The following TOX2 variants were observed in gnomAD, a reference collection of about 807,000 sequenced individuals.
TOX2 encodes the protein TOX high mobility group box family member 2.
A neutral mutation model predicts 47.4 loss-of-function variants in TOX2; 15 were observed. The observed-to-expected ratio is 0.32, with a 90% CI of 0.21 to 0.49. TOX2 has a LOEUF of 0.49. Among genes scored for constraint, TOX2 ranks in the 20% least tolerant of loss-of-function variants. TOX2 has a pLI of 0.99. For missense variants in TOX2, 622 were observed against 673.1 expected (o/e 0.92, Z 0.84); for synonymous variants, 290 against 296.6 (o/e 0.98, Z 0.23).
At chr20:44,044,095 C>T (rs542351181) in intron 3 of TOX2, among the ~76,000 whole-genome samples, 2 of 149,492 alleles carry the variant, frequency 1.3e-5, no homozygotes, top group East Asian at 4.0e-4. Context: ...TACTATGCAG[C>T]CATAAAAAAG....
chr20:43,950,486 C>G (rs1212511206), intron 1 of TOX2, among the ~76,000 whole-genome samples: 2 of 152,134 alleles, frequency 1.3e-5, no homozygotes, highest in Admixed American at 1.3e-4. Flanking sequence ...CTCCCCTCCC[C>G]CTCCCCACTG....
At chr20:44,031,442 C>A (rs976403184) in intron 3 of TOX2, among the ~76,000 whole-genome samples, 3 of 152,082 alleles carry the variant, frequency 2.0e-5, no homozygotes, top group African/African-American at 7.2e-5. Flanking sequence ...TATATTGGTG[C>A]GATTAGCTCA....
At chr20:43,985,229 C>T (rs577896005) in intron 2 of TOX2, among the ~76,000 whole-genome samples, 4 of 152,254 alleles carry the variant, frequency 2.6e-5, no homozygotes, top group South Asian at 2.1e-4. Flanking sequence ...AGGGACCTTC[C>T]GGGTTGACTT....
At chr20:43,966,206 C>T (rs1036620443) in intron 1 of TOX2, among the ~76,000 whole-genome samples, 1 of 152,078 alleles carries the variant, frequency 6.6e-6, no homozygotes, top group African/African-American at 2.4e-5. Flanking sequence ...TCACTGAGCT[C>T]GTAAGTAGTG....
chr20:43,990,120 A>G (rs530770052), intron 2 of TOX2, among the ~76,000 whole-genome samples: 6 of 152,310 alleles, frequency 3.9e-5, no homozygotes, highest in African/African-American at 1.2e-4. Flanking sequence ...CACCTGCCTC[A>G]TAGAGTTGTT....
At chr20:43,927,511 A>ACACACAC (rs1491163655) in intron 1 of TOX2, among the ~76,000 whole-genome samples, 11 of 132,512 alleles carry the variant, frequency 8.3e-5, no homozygotes, top group South Asian at 5.0e-4. Context: ...ACACACACAC[A>ACACACAC]TCATGAGATA....
chr20:43,990,487 G>C (rs912904739), intron 2 of TOX2, among the ~76,000 whole-genome samples: 1 of 152,202 alleles, frequency 6.6e-6, no homozygotes, highest in Admixed American at 6.5e-5. Context: ...GGCCCCATTT[G>C]TGGTGCCACC....
chr20:43,967,886 C>T (rs1056312987), intron 1 of TOX2, among the ~76,000 whole-genome samples: 5 of 152,068 alleles, frequency 3.3e-5, no homozygotes, highest in Non-Finnish European at 7.4e-5. Context: ...GGGATAAATG[C>T]TTGAGGGGAT....
chr20:44,019,462 G>A (rs931262215), intron 3 of TOX2, among the ~76,000 whole-genome samples: 1 of 152,232 alleles, frequency 6.6e-6, no homozygotes, highest in African/African-American at 2.4e-5. Flanking sequence ...GGGATGGTGG[G>A]CAAAGGTGGG....
intron 5 of TOX2, among the ~76,000 whole-genome samples, chr20:44,058,018 C>T (rs2071652470): frequency 6.9e-6 from 1 of 145,984 alleles, no homozygotes; most frequent in African/African-American, 2.8e-5. Flanking sequence ...GACTAACTTG[C>T]AGCTCCCACT....
intron 5 of TOX2, among the ~76,000 whole-genome samples, chr20:44,061,909 A>G (rs1234164029): frequency 1.3e-5 from 2 of 151,958 alleles, no homozygotes; most frequent in Non-Finnish European, 2.9e-5. Flanking sequence ...CAGAAAAAGC[A>G]TTTGACAAAA....
rs187145773 is a variant in TOX2 at position 43,999,620 on chromosome 20, G to A, written c.166-6927G>A. ...GAAAGATATCCATGTCTGTGGATTG[G>A]AAGACTTAATAATGTTAAGATGGCA... is the stretch of plus-strand genomic sequence containing the variant. On this transcript the variant is annotated intron_variant, in intron 2 of 8. Transcript: ENST00000341197. Among the ~76,000 whole-genome samples the A allele has an allele frequency of 3.9e-4, 59 of 152,328 alleles. 1 individual carries two copies. The highest frequency in any genetic ancestry group is 2.6e-3 in the Admixed American group (40 of 15,302).
intron 3 of TOX2, among the ~76,000 whole-genome samples, chr20:44,028,870 G>A (rs925818368): frequency 6.6e-6 from 1 of 152,188 alleles, no homozygotes; most frequent in African/African-American, 2.4e-5. Context: ...AGCCAGTTCT[G>A]CCTCCTCAGC....
intron 6 of TOX2, among the ~76,000 whole-genome samples, 174 bp downstream of exon 6, chr20:44,065,031 C>T (rs537660228): frequency 4.6e-5 from 7 of 152,330 alleles, no homozygotes; most frequent in Admixed American, 3.3e-4. Context: ...ATTCTGGGCA[C>T]TTTACATGCA....
intron 1 of TOX2, among the ~76,000 whole-genome samples, chr20:43,949,166 T>C (rs896200802): frequency 3.3e-5 from 5 of 152,256 alleles, no homozygotes; most frequent in African/African-American, 1.2e-4. Context: ...TATATATGAC[T>C]GTCCACCCCT....
intron 2 of TOX2, among the ~76,000 whole-genome samples, chr20:43,998,184 AACTT>A (rs1239068687): frequency 1.3e-5 from 2 of 152,180 alleles, no homozygotes; most frequent in African/African-American, 2.4e-5. Flanking sequence ...ATCTTGTGAG[AACTT>A]ACTTACTGTC....
intron 4 of TOX2, 125 bp downstream of exon 4, chr20:44,051,670 G>A (rs538015663): frequency 4.2e-5 from 59 of 1,389,374 alleles, no homozygotes; most frequent in South Asian, 2.6e-4. Flanking sequence ...CAAGGTCCCC[G>A]TAGGTGCCAT....
chr20:43,998,175 T>C (rs2070511012), intron 2 of TOX2, among the ~76,000 whole-genome samples: 1 of 152,140 alleles, frequency 6.6e-6, no homozygotes, highest in Non-Finnish European at 1.5e-5. Flanking sequence ...AACAACCCGA[T>C]CTTGTGAGAA....
intron 1 of TOX2, among the ~76,000 whole-genome samples, chr20:43,967,103 A>T (rs1018009868): frequency 1.3e-5 from 2 of 152,100 alleles, no homozygotes; most frequent in Non-Finnish European, 2.9e-5. Context: ...GATCAGAGGG[A>T]TGTAGATGGC....
Sources: allele counts gnomAD v4.1 joint callset (sites outside exome capture counted in the v4.1 genomes callset), GRCh38; gene constraint gnomAD v4.1.1; transcripts MANE v1.5; gene names NCBI Gene and HGNC (gene_info 2026-07-23, HGNC 2026-07-21).